TOPBP1: variants seen among roughly 807,000 people sequenced by gnomAD.
TOPBP1 encodes the protein DNA topoisomerase 2-binding protein 1.
TOPBP1 carries 28 observed loss-of-function variants against 167.7 expected under a neutral mutation model. That is an observed-to-expected ratio of 0.17 (90% CI 0.12 to 0.23). The LOEUF (loss-of-function observed/expected upper bound fraction) is 0.23, where lower values mean the gene tolerates loss of function less well. Among genes scored for constraint, TOPBP1 ranks in the 10% least tolerant of loss-of-function variants. The probability of loss-of-function intolerance (pLI) is 1.00; values close to 1 mark genes in which losing one functional copy is unlikely to be tolerated. For missense variants in TOPBP1, 1,554 were observed against 1,809.6 expected (o/e 0.86, Z 2.56); for synonymous variants, 598 against 611.4 (o/e 0.98, Z 0.32).
At chr3:133,655,215 A>G (rs1329612099) in intron 6 of TOPBP1, 75 bp downstream of exon 6, 29 of 967,396 alleles carry the variant, frequency 3.0e-5, no homozygotes, top group Admixed American at 4.5e-5. Context: ...AAAATAAATA[A>G]ATAAATAAAT....
chr3:133,649,484 T>C lies in TOPBP1; in HGVS notation c.1403A>G (p.Lys468Arg), dbSNP rs746019696. 10 of 1,613,944 alleles carry C rather than the reference T, an allele frequency of 6.2e-6. No homozygotes were observed. The highest frequency in any genetic ancestry group is 8.5e-6 in the Non-Finnish European group (10 of 1,179,876). The change falls in exon 10 of 28, where the codon AAG becomes AGG. Residue 468 changes from lysine to arginine, a missense_variant. Coordinates refer to ENST00000260810, the MANE Select transcript of TOPBP1 (RefSeq NM_007027.4). ...GTCTTTCTTAGAGAAGCTGCTGTTC[T>C]TCTTTTTTAAAAGAGCTGCTTTACT... ...PESKAALLKKKNSSFSKKDFA... is the reference protein window; with the variant it reads ...PESKAALLKKRNSSFSKKDFA...
In TOPBP1 at chr3:133,616,873, T is replaced by C; in HGVS notation, c.3812A>G (p.Gln1271Arg). The stretch of plus-strand genomic sequence containing the variant: ...TTCTTGAGGATTCAGAGATGATAAC[T>C]GAAATATGTACTGTTTTTTTAATTC... ...HEELKKQYIF[Q>R]LSSLNPQERI... Residue 1271 changes from glutamine (Q) to arginine (R), a missense_variant, in exon 23 of 28, where the codon CAG (glutamine) becomes CGG (arginine). Transcript: ENST00000260810. 1 of 1,559,470 alleles carries C rather than the reference T, an allele frequency of 6.4e-7. No individual in the cohort carries two copies. Among genetic ancestry groups the C allele is most frequent in the Non-Finnish European group, 8.7e-7 (1 of 1,154,734 alleles).
chr3:133,659,985 A>C (rs769003615), intron 2 of TOPBP1, among the ~76,000 whole-genome samples: 1 of 151,974 alleles, frequency 6.6e-6, no homozygotes, highest in African/African-American at 2.4e-5. Context: ...AATGGCCCAC[A>C]AGGCCCTACA....
chr3:133,659,212 C>T, intron 2 of TOPBP1, 62 bp from the exon 3 acceptor site: 1 of 1,430,696 alleles, frequency 7.0e-7, no homozygotes, highest in Non-Finnish European at 9.2e-7. Flanking sequence ...AGGTCCTATT[C>T]AAATTCCATC....
chr3:133,616,869 T>C lies in TOPBP1; in HGVS notation c.3816A>G (p.Leu1272=), dbSNP rs1223654059. The change falls in exon 23 of 28, where the codon TTA becomes TTG. Residue 1272 remains leucine, a synonymous_variant. Transcript: ENST00000260810. ...EELKKQYIFQ[L]SSLNPQERID... ...TACGTTCTTGAGGATTCAGAGATGA[T>C]AACTGAAATATGTACTGTTTTTTTA... 6.4e-7 allele frequency: 1 copy of C among 1,560,572 alleles called. No individual in the cohort carries two copies. The highest frequency in any genetic ancestry group is 8.7e-7 in the Non-Finnish European group (1 of 1,155,194).
chr3:133,623,256 A>T, intron 18 of TOPBP1, 55 bp downstream of exon 18: 4 of 1,612,074 alleles, frequency 2.5e-6, no homozygotes, highest in Non-Finnish European at 2.5e-6. Context: ...TCATAGCAAT[A>T]TATGATTATA....
At chr3:133,615,054 C>T (rs1490627587) in intron 23 of TOPBP1, among the ~76,000 whole-genome samples, 1 of 149,034 alleles carries the variant, frequency 6.7e-6, no homozygotes, top group East Asian at 1.9e-4. Flanking sequence ...TCCAAGTATA[C>T]AACTGTATTT....
chr3:133,642,512 A>C (rs1434264865), intron 12 of TOPBP1, among the ~76,000 whole-genome samples: 1 of 152,128 alleles, frequency 6.6e-6, no homozygotes, highest in Non-Finnish European at 1.5e-5. Context: ...AGTATAGTTT[A>C]ACGTGTTATT....
At chr3:133,661,529 T>C (rs1576321269) in intron 1 of TOPBP1, among the ~76,000 whole-genome samples, 1 of 152,120 alleles carries the variant, frequency 6.6e-6, no homozygotes, top group East Asian at 1.9e-4. Context: ...AATATAAACA[T>C]GGAAGCCAGT....
chr3:133,655,270 T>C lies in TOPBP1; in HGVS notation c.742+20A>G, dbSNP rs182540885. On this transcript the variant is annotated intron_variant, in intron 6 of 27. Transcript: ENST00000260810. ...CTAGAGAAAATGTTTCATTTGTCCC[T>C]TTGTGAAACACAGTTTTACCTTTTG... 5.0e-5 allele frequency: 68 copies of C among 1,352,310 alleles called. No individual in the cohort carries two copies. The African/African-American group carries it at 8.8e-4, about 18-fold the overall frequency. The allele number at this position is 1,352,310 out of a possible 1,614,324, so 83.8% of individuals were successfully genotyped here.
Position 133,655,319 on chromosome 3 carries a change from C to T in TOPBP1, c.713G>A (p.Cys238Tyr), listed in dbSNP as rs1351672117. 1 of 1,564,708 alleles carries T rather than the reference C, an allele frequency of 6.4e-7. No homozygotes were observed. The highest frequency in any genetic ancestry group is 8.6e-7 in the Non-Finnish European group (1 of 1,156,346). Reference sequence around the variant, plus strand: ...TGGTTCTTGCACAATGAGGTGTGTACATTCATTCATTTTCAATTGTCCCAT... The same window carrying T: ...TGGTTCTTGCACAATGAGGTGTGTATATTCATTCATTTTCAATTGTCCCAT... ...QYMGQLKMNE[C>Y]THLIVQEPKG... is the part of the protein sequence containing the mutation. Residue 238 changes from cysteine to tyrosine, a missense_variant, in exon 6 of 28, where the codon TGT becomes TAT. By Grantham distance (194) the Cys-to-Tyr change is radical. Transcript: ENST00000260810.
chr3:133,661,018 G>T, intron 2 of TOPBP1, 26 bp downstream of exon 2: 1 of 1,487,232 alleles, frequency 6.7e-7, no homozygotes, highest in South Asian at 1.3e-5. Context: ...ATGAATTCAC[G>T]GTATTAAGAT....
intron 10 of TOPBP1, among the ~76,000 whole-genome samples, chr3:133,645,418 T>G (rs1414553762): frequency 6.6e-6 from 1 of 152,174 alleles, no homozygotes; most frequent in Non-Finnish European, 1.5e-5. Flanking sequence ...TTTACAGATA[T>G]ACTCATGGGA....
Position 133,601,020 on chromosome 3 carries a change from TGAG to T in TOPBP1, c.*227_*229del. 1 of 324,480 alleles carries T rather than the reference TGAG, an allele frequency of 3.1e-6. No homozygotes were observed. The highest frequency in any genetic ancestry group is 5.6e-6 in the Non-Finnish European group (1 of 177,100). 20.1% of individuals were successfully genotyped at this position (324,480 alleles called of 1,614,324 possible). ...CAATGTGGTTTAACAGCAAGCTAGC[TGAG>T]GAGTTGTATTTTGTTGTTATTTCAG... On this transcript the variant is annotated 3_prime_UTR_variant, in exon 28 of 28. Transcript: ENST00000260810.
chr3:133,628,407 T>G lies in TOPBP1; in HGVS notation c.2759A>C (p.Gln920Pro). 1.2e-6 allele frequency: 2 copies of G among 1,609,948 alleles called. No homozygotes were observed. Among genetic ancestry groups the G allele is most frequent in the Non-Finnish European group, 1.7e-6 (2 of 1,177,988 alleles). The part of the protein sequence containing the change: ...VCVSKKLSKK[Q>P]SELNGIAASL... ...GGCTGCGATCCCATTTAGTTCACTC[T>G]GCTTCTTACTGAGTTTTTTACTAAC... The change falls in exon 16 of 28, where the codon CAG (glutamine) becomes CCG (proline). Residue 920 changes from glutamine (Q) to proline (P), a missense_variant. Gln to Pro is a moderately conservative substitution (Grantham distance 76). Around this residue, in one of 3 missense-constraint regions of TOPBP1, gnomAD observed 1,197 missense variants for 1,351.5 expected, o/e 0.89. Coordinates refer to ENST00000260810, the MANE Select transcript of TOPBP1 (RefSeq NM_007027.4).
Position 133,623,145 on chromosome 3 carries a change from T to C in TOPBP1, c.3124A>G (p.Asn1042Asp), listed in dbSNP as rs35528968. Residue 1042 changes from asparagine (N) to aspartate (D), a missense_variant, in exon 19 of 28, where the codon AAT (asparagine) becomes GAT (aspartate). This residue lies in a region of TOPBP1 where 1,197 missense variants were observed against 1,351.5 expected (regional missense o/e 0.89). Transcript: ENST00000260810. ...TTTGATGGTGCTGACTCTTTATTAT[T>C]GGTGGCCATATTGTCTACATCATTT... ...EENDVDNMAT[N>D]NKESAPSNGS... The C allele has an allele frequency of 6.2e-7, 1 of 1,612,276 alleles. No homozygotes were observed. Among genetic ancestry groups the C allele is most frequent in the Non-Finnish European group, 8.5e-7 (1 of 1,178,616 alleles).
At chr3:133,635,322 T>C (rs563305448) in intron 14 of TOPBP1, among the ~76,000 whole-genome samples, 3 of 152,130 alleles carry the variant, frequency 2.0e-5, no homozygotes, top group Non-Finnish European at 4.4e-5. Context: ...GGTAGGATGA[T>C]AGCTCACTGC....
intron 12 of TOPBP1, among the ~76,000 whole-genome samples, chr3:133,642,932 G>C (rs764486011): frequency 7.2e-5 from 11 of 152,072 alleles, no homozygotes; most frequent in Non-Finnish European, 1.2e-4. Context: ...GTGTCATTAT[G>C]AAGTCACAAC....
rs1935852828 is a variant in TOPBP1, at chr3:133,640,246, A to G, written c.2022-76T>C. ...GCAAAACTAACAAAATTTCCAACACAACAGTGTGGTTAGAGATCATGTAAG... is the reference window on the plus strand; with the variant it reads ...GCAAAACTAACAAAATTTCCAACACGACAGTGTGGTTAGAGATCATGTAAG... On this transcript the variant is annotated intron_variant, in intron 12 of 27. Transcript: ENST00000260810. The G allele has an allele frequency of 3.2e-6, 4 of 1,251,802 alleles. No individual in the cohort carries two copies. The South Asian group carries it at 4.0e-5, about 12-fold the overall frequency. The allele number at this position is 1,251,802 out of a possible 1,614,324, so 77.5% of individuals were successfully genotyped here.
Sources: gnomAD v4.1 joint callset for allele counts (sites outside exome capture counted in the v4.1 genomes callset) on GRCh38, gnomAD v4.1.1 for gene constraint, gnomAD v4.1.1 regional missense constraint, MANE v1.5 for transcripts, NCBI Gene and HGNC (gene_info 2026-07-23, HGNC 2026-07-21) for gene names.